AGAP1: variants seen among roughly 807,000 people sequenced by gnomAD.
AGAP1 encodes the protein arf-GAP with GTPase, ANK repeat and PH domain-containing protein 1.
In AGAP1, 29 loss-of-function variants were observed where a neutral mutation model predicts 105.3. The observed-to-expected ratio is 0.28, with a 90% confidence interval of 0.21 to 0.38. The LOEUF is 0.38. AGAP1 is among the 10% of genes least tolerant of loss of function. The pLI is 1.00. For missense variants in AGAP1, 998 were observed against 1,165.1 expected, an observed-to-expected ratio of 0.86 and a Z score of 2.09; for synonymous variants, 509 against 485.9, an observed-to-expected ratio of 1.05 and a Z score of -0.63.
At chr2:235,798,200 T>TA (rs1957330031) in intron 7 of AGAP1, among the ~76,000 whole-genome samples, 1 of 152,130 alleles carries the variant, frequency 6.6e-6, no homozygotes, top group Admixed American at 6.5e-5. Flanking sequence ...CTAGTCTGCT[T>TA]ATAGGTTGAA....
chr2:235,778,363 C>G (rs557779716), intron 6 of AGAP1, among the ~76,000 whole-genome samples: 1 of 152,344 alleles, frequency 6.6e-6, no homozygotes, highest in African/African-American at 2.4e-5. Context: ...AATTTTATTT[C>G]ACGTCTAATC....
intron 16 of AGAP1, among the ~76,000 whole-genome samples, chr2:236,081,841 A>ACATTTTT (rs2058794090): frequency 6.6e-6 from 1 of 152,178 alleles, no homozygotes; most frequent in South Asian, 2.1e-4. Flanking sequence ...TCTAAATAGA[A>ACATTTTT]CATTTTTCTT....
intron 9 of AGAP1, among the ~76,000 whole-genome samples, chr2:235,844,121 A>G (rs1331092657): frequency 2.0e-5 from 3 of 152,074 alleles, no homozygotes; most frequent in Non-Finnish European, 4.4e-5. Context: ...TGGGCCATCC[A>G]TTGTCTGCCT....
Position 235,733,544 on chromosome 2 carries a change from TAGGAAAGG to T in AGAP1, c.311-7409_311-7402del, listed in dbSNP as rs1952070611. Reference sequence around the variant, plus strand: ...CTTTAATGTTTCCCCCTTGTTTTATTAGGAAAGGAGGAAAGGAAATTCAGTTATAGTGA... The same window carrying T: ...CTTTAATGTTTCCCCCTTGTTTTATTAGGAAAGGAAATTCAGTTATAGTGA... On this transcript the variant is annotated intron_variant, in intron 3 of 17. Transcript: ENST00000304032. The surrounding 1 kb of genome is among the most constrained non-coding windows in gnomAD (Gnocchi z 5.0). Among the ~76,000 whole-genome samples, 1 of 152,228 alleles carries T rather than the reference TAGGAAAGG, an allele frequency of 6.6e-6. No homozygotes were observed. The highest frequency in any genetic ancestry group is 1.5e-5 in the Non-Finnish European group (1 of 68,042).
At position 235,954,100 on chromosome 2, in the gene AGAP1, G is replaced by A. The variant is rs370190274; in HGVS notation, c.1484-14362G>A. Among the ~76,000 whole-genome samples, 50 of 151,594 alleles carry A rather than the reference G, an allele frequency of 3.3e-4. No individual in the cohort carries two copies. The East Asian group carries it at 5.1e-3, about 15-fold the overall frequency. On this transcript the variant is annotated intron_variant, in intron 12 of 17. Coordinates refer to ENST00000304032, the MANE Select transcript of AGAP1 (RefSeq NM_001037131.3). ...ACTAAAAATACAAAATTAGCCAGGC[G>A]TGGTGGCACATGCCTGTAATCCCAG...
intron 16 of AGAP1, among the ~76,000 whole-genome samples, chr2:236,115,034 A>G (rs1336784203): frequency 6.6e-6 from 1 of 152,120 alleles, no homozygotes; most frequent in Non-Finnish European, 1.5e-5. Flanking sequence ...CCCCCCTACC[A>G]TGCTGAGCAT....
chr2:235,507,765 C>T (rs984125203), intron 1 of AGAP1, among the ~76,000 whole-genome samples: 6 of 152,104 alleles, frequency 3.9e-5, no homozygotes, highest in Non-Finnish European at 7.4e-5. Flanking sequence ...GATTCGAACT[C>T]GGGACCCGTG....
intron 1 of AGAP1, among the ~76,000 whole-genome samples, chr2:235,529,230 A>G (rs1942961989): frequency 6.6e-6 from 1 of 152,214 alleles, no homozygotes; most frequent in South Asian, 2.1e-4. Flanking sequence ...AGTTGATCTC[A>G]GTCCTTCCAG....
chr2:235,776,038 T>C lies in AGAP1; in HGVS notation c.674-21721T>C, dbSNP rs564396884. ...AATAGGAAGTGTGGACATGGGACATTGTACGGCTTAGGAGACTGCGTTGTG... is the reference window on the plus strand; with the variant it reads ...AATAGGAAGTGTGGACATGGGACATCGTACGGCTTAGGAGACTGCGTTGTG... On this transcript the variant is annotated intron_variant, in intron 6 of 17. Coordinates refer to ENST00000304032, the MANE Select transcript of AGAP1 (RefSeq NM_001037131.3). Among the ~76,000 whole-genome samples the C allele has an allele frequency of 2.6e-5, 4 of 152,322 alleles. No homozygotes were observed. The East Asian group carries it at 7.7e-4, about 29-fold the overall frequency.
intron 1 of AGAP1, among the ~76,000 whole-genome samples, chr2:235,619,177 T>G (rs1161839666): frequency 6.6e-6 from 1 of 152,172 alleles, no homozygotes; most frequent in Admixed American, 6.5e-5. Context: ...GTGTGTTGTG[T>G]CAAGCAAGCC....
intron 3 of AGAP1, among the ~76,000 whole-genome samples, chr2:235,738,984 T>C (rs981581237): frequency 3.3e-5 from 5 of 152,248 alleles, no homozygotes; most frequent in African/African-American, 1.2e-4. Context: ...TTGCAGACTT[T>C]TCTGTCGTAA....
rs1474037221 is a variant in AGAP1, at chr2:235,642,965, C to T, written c.164-66214C>T. ...GGTGGGGACCTGGCAAGGTACCGAA[C>T]GGTGGAGGTGACTGTAGGATTAGCC... is the stretch of plus-strand genomic sequence containing the variant. On this transcript the variant is annotated intron_variant, in intron 1 of 17. Transcript: ENST00000304032. This position sits in a 1 kb window ranked among gnomAD's most constrained non-coding sequence, Gnocchi z 4.1. Among the ~76,000 whole-genome samples the T allele has an allele frequency of 3.9e-5, 6 of 152,036 alleles. No homozygotes were observed. The highest frequency in any genetic ancestry group is 9.7e-5 in the African/African-American group (4 of 41,384).
intron 11 of AGAP1, among the ~76,000 whole-genome samples, chr2:235,910,597 G>A (rs4663217): frequency 0.77 from 116,612 of 152,146 alleles, 44,809 homozygotes; most frequent in East Asian, 0.98. Context: ...ACATTAGTAC[G>A]TTACATAAAC....
intron 1 of AGAP1, among the ~76,000 whole-genome samples, chr2:235,568,305 T>C (rs755429481): frequency 3.9e-5 from 6 of 152,234 alleles, no homozygotes; most frequent in African/African-American, 7.2e-5. Context: ...TCCGAGCTGC[T>C]GCTGTTCGTG....
chr2:235,794,661 G>A (rs1335123719), intron 6 of AGAP1, among the ~76,000 whole-genome samples: 4 of 152,010 alleles, frequency 2.6e-5, no homozygotes, highest in Non-Finnish European at 2.9e-5. Context: ...TAGTAGAGAC[G>A]GGATTTCACC....
At chr2:236,054,908 C>T (rs577680817) in intron 16 of AGAP1, among the ~76,000 whole-genome samples, 14 of 152,322 alleles carry the variant, frequency 9.2e-5, no homozygotes, top group Admixed American at 5.2e-4. Context: ...CAGCCCCAGC[C>T]TTTGTATCTC....
At chr2:235,808,663 A>G (rs1248045152) in intron 9 of AGAP1, among the ~76,000 whole-genome samples, 1 of 152,190 alleles carries the variant, frequency 6.6e-6, no homozygotes, top group African/African-American at 2.4e-5. Flanking sequence ...CGCCTTTGCC[A>G]GGCAGAGAAG....
At chr2:236,100,473 G>GA (rs1005961675) in intron 16 of AGAP1, among the ~76,000 whole-genome samples, 2 of 152,094 alleles carry the variant, frequency 1.3e-5, no homozygotes, top group African/African-American at 4.8e-5. Flanking sequence ...ACTTAGGGGG[G>GA]AAAAACACCT....
chr2:235,709,270 G>C (rs781079565), intron 2 of AGAP1, 33 bp downstream of exon 2: 2 of 1,607,710 alleles, frequency 1.2e-6, no homozygotes, highest in Non-Finnish European at 1.7e-6. Flanking sequence ...GGCACCTGTG[G>C]GAAGGGAGGG....
Sources: gnomAD v4.1 joint callset for allele counts (sites outside exome capture counted in the v4.1 genomes callset) on GRCh38, gnomAD v4.1.1 for gene constraint, Gnocchi (gnomAD v3.1) non-coding constraint, MANE v1.5 for transcripts, NCBI Gene and HGNC (gene_info 2026-07-23, HGNC 2026-07-21) for gene names.